FAM120A: variants seen among roughly 807,000 people sequenced by gnomAD.
The protein encoded by FAM120A is family with sequence similarity 120 member A, also known as constitutive coactivator of PPAR-gamma-like protein 1.
In FAM120A, 15 loss-of-function variants were observed where a neutral mutation model predicts 109.7. That is an observed-to-expected ratio of 0.14 (90% confidence interval 0.09 to 0.21). The LOEUF (loss-of-function observed/expected upper bound fraction) is 0.21. Ranked by LOEUF, FAM120A falls within the 10% of genes least tolerant of loss-of-function variation. The pLI is 1.00. For synonymous variants in FAM120A, 493 were observed against 572.8 expected (o/e 0.86, Z 1.99); for missense variants, 899 against 1,439.3 (o/e 0.62, Z 6.07).
Position 93,532,387 on chromosome 9 carries a change from A to G in FAM120A, c.1909+58A>G. 1 of 1,585,668 alleles carries G rather than the reference A, an allele frequency of 6.3e-7. No individual in the cohort carries two copies. Among genetic ancestry groups the G allele is most frequent in the Non-Finnish European group, 8.7e-7 (1 of 1,154,856 alleles). On this transcript the variant is annotated intron_variant, in intron 10 of 17. Transcript: ENST00000277165. This position sits in a 1 kb window ranked among gnomAD's most constrained non-coding sequence, Gnocchi z 4.3. ...CTCGGTACCTCGTAATCTCTTGTGC[A>G]TTTTCTAAAGCCTTAGAAGAATCAT...
intron 10 of FAM120A, among the ~76,000 whole-genome samples, chr9:93,536,704 C>T (rs149384154): frequency 2.0e-5 from 3 of 152,032 alleles, no homozygotes; most frequent in Non-Finnish European, 2.9e-5. Flanking sequence ...CACTATATGG[C>T]GAAAGTAGGA....
At position 93,452,507 on chromosome 9, in the gene FAM120A, G is replaced by T. The variant is rs937037051; in HGVS notation, c.474+118G>T. ...GCGCTGGGGGCAGCGAGTTCCCCCA[G>T]CCCTTGCCCGGGATAGCCTGGCCGG... On this transcript the variant is annotated intron_variant, in intron 1 of 17. Transcript: ENST00000277165. This position sits in a 1 kb window ranked among gnomAD's most constrained non-coding sequence, Gnocchi z 7.0. The T allele has an allele frequency of 4.5e-6, 7 of 1,548,860 alleles. No homozygotes were observed. The highest frequency in any genetic ancestry group is 3.9e-5 in the Admixed American group (2 of 51,854).
At chr9:93,536,154 C>T in intron 10 of FAM120A, among the ~76,000 whole-genome samples, 1 of 152,200 alleles carries the variant, frequency 6.6e-6, no homozygotes, top group East Asian at 1.9e-4. Context: ...GTATTTAGAT[C>T]TTGTTGAAAT....
rs1197580400 is a variant in FAM120A at position 93,565,127 on chromosome 9, C to T, written c.*587C>T. On this transcript the variant is annotated 3_prime_UTR_variant, in exon 18 of 18. Coordinates refer to ENST00000277165, the MANE Select transcript of FAM120A (RefSeq NM_014612.5). ...CTAAAAAATTATAGAGTAATATTGCCGTTCTGCTGATTTTAAATATACAAT... is the reference window on the plus strand; with the variant it reads ...CTAAAAAATTATAGAGTAATATTGCTGTTCTGCTGATTTTAAATATACAAT... The T allele has an allele frequency of 6.6e-6, 1 of 152,172 alleles. No individual in the cohort carries two copies. Among genetic ancestry groups the T allele is most frequent in the Non-Finnish European group, 1.5e-5 (1 of 67,992 alleles). 9.4% of individuals were successfully genotyped at this position (152,172 alleles called of 1,614,324 possible).
Position 93,500,966 on chromosome 9 carries a change from C to G in FAM120A, c.1030+2080C>G, listed in dbSNP as rs780096816. On this transcript the variant is annotated intron_variant, in intron 5 of 17. Coordinates refer to ENST00000277165, the MANE Select transcript of FAM120A (RefSeq NM_014612.5). The surrounding 1 kb of genome is among the most constrained non-coding windows in gnomAD (Gnocchi z 4.6). ...TTAGTGAAGTACTTGTTCAGTCATT[C>G]AATGCCCTTTTAGGTAATTCTGCCT... 6.6e-6 allele frequency among the ~76,000 whole-genome samples: 1 copy of G among 152,220 alleles called. No individual in the cohort carries two copies. Among genetic ancestry groups the G allele is most frequent in the Non-Finnish European group, 1.5e-5 (1 of 68,026 alleles).
intron 5 of FAM120A, among the ~76,000 whole-genome samples, chr9:93,511,095 T>C (rs1194639546): frequency 1.1e-4 from 16 of 151,898 alleles, no homozygotes; most frequent in Admixed American, 9.8e-4. Context: ...TTCTTGTTTC[T>C]GTTGACTTGA....
At chr9:93,537,203 C>T (rs936106520) in intron 10 of FAM120A, among the ~76,000 whole-genome samples, 2 of 152,192 alleles carry the variant, frequency 1.3e-5, no homozygotes, top group African/African-American at 4.8e-5. Flanking sequence ...TTACATGCCT[C>T]AATGGCTTTT....
chr9:93,528,896 G>A (rs1861203701), intron 8 of FAM120A, among the ~76,000 whole-genome samples: 1 of 152,194 alleles, frequency 6.6e-6, no homozygotes, highest in Non-Finnish European at 1.5e-5. Context: ...TTGTGTAACT[G>A]TGTTCAGACT....
intron 7 of FAM120A, among the ~76,000 whole-genome samples, chr9:93,525,657 C>T (rs1432184026): frequency 6.6e-6 from 1 of 152,236 alleles, no homozygotes; most frequent in Non-Finnish European, 1.5e-5. Flanking sequence ...TGCTCATCCA[C>T]CTCCTGAGCC....
At position 93,532,347 on chromosome 9, in the gene FAM120A, C is replaced by A. The variant is rs763789059; in HGVS notation, c.1909+18C>A. ...ACCAGAATGTATGTACTGTAACAAT[C>A]CATTGTTTGTTTTCCTCGGTACCTC... On this transcript the variant is annotated intron_variant, in intron 10 of 17. Transcript: ENST00000277165. This position sits in a 1 kb window ranked among gnomAD's most constrained non-coding sequence, Gnocchi z 4.3. 1 of 1,612,470 alleles carries A rather than the reference C, an allele frequency of 6.2e-7. No individual in the cohort carries two copies. The highest frequency in any genetic ancestry group is 8.5e-7 in the Non-Finnish European group (1 of 1,178,516).
At chr9:93,495,677 T>C (rs907458210) in intron 3 of FAM120A, among the ~76,000 whole-genome samples, 11 of 152,112 alleles carry the variant, frequency 7.2e-5, no homozygotes, top group Non-Finnish European at 1.6e-4. Context: ...CTACAGCGAG[T>C]TGGAATCATT....
Position 93,476,248 on chromosome 9 carries a change from T to C in FAM120A, c.722-8T>C. On this transcript the variant is annotated splice_region_variant and splice_polypyrimidine_tract_variant and intron_variant, in intron 2 of 17. Transcript: ENST00000277165. ...ATTGCTTTTATGTTATCCATGTTTATATTCCAGGAAATCACATTCTGCCTG... is the reference window on the plus strand; with the variant it reads ...ATTGCTTTTATGTTATCCATGTTTACATTCCAGGAAATCACATTCTGCCTG... The C allele has an allele frequency of 6.3e-7, 1 of 1,583,710 alleles. No homozygotes were observed. The highest frequency in any genetic ancestry group is 8.7e-7 in the Non-Finnish European group (1 of 1,153,016).
rs1194752036 is a variant in FAM120A at position 93,500,110 on chromosome 9, C to T, written c.1030+1224C>T. ...AAATGGCAGCAGCCTCCCAGTGGGG[C>T]TCTTTGCTGCTCTCTTGCTCCCCTG... On this transcript the variant is annotated intron_variant, in intron 5 of 17. Coordinates refer to ENST00000277165, the MANE Select transcript of FAM120A (RefSeq NM_014612.5). The surrounding 1 kb of genome is among the most constrained non-coding windows in gnomAD (Gnocchi z 4.6). Among the ~76,000 whole-genome samples the T allele has an allele frequency of 6.6e-6, 1 of 152,264 alleles. No individual in the cohort carries two copies. The highest frequency in any genetic ancestry group is 2.4e-5 in the African/African-American group (1 of 41,466).
intron 3 of FAM120A, among the ~76,000 whole-genome samples, chr9:93,487,554 C>T (rs1028048304): frequency 3.9e-5 from 6 of 152,140 alleles, no homozygotes; most frequent in African/African-American, 4.8e-5. Context: ...AATAAGTTTG[C>T]GTCCCAAAGT....
At chr9:93,463,149 G>A (rs984260211) in intron 1 of FAM120A, among the ~76,000 whole-genome samples, 11 of 152,048 alleles carry the variant, frequency 7.2e-5, no homozygotes, top group Non-Finnish European at 5.9e-5. Context: ...CAAGGAATCT[G>A]TTTTTCTCCA....
At chr9:93,499,994 A>G (rs1413428228) in intron 5 of FAM120A, among the ~76,000 whole-genome samples, 1 of 152,226 alleles carries the variant, frequency 6.6e-6, no homozygotes, top group Admixed American at 6.5e-5. Context: ...ACAGGGAAAC[A>G]TGGCCTGTGC....
chr9:93,506,439 A>G (rs1174590464), intron 5 of FAM120A, among the ~76,000 whole-genome samples: 1 of 152,194 alleles, frequency 6.6e-6, no homozygotes, highest in South Asian at 2.1e-4. Context: ...TCAAATTAAT[A>G]CTGTAAGTTG....
chr9:93,534,751 C>G (rs552224964), intron 10 of FAM120A, among the ~76,000 whole-genome samples: 7 of 152,126 alleles, frequency 4.6e-5, no homozygotes, highest in African/African-American at 1.7e-4. Flanking sequence ...AAAAATTAGA[C>G]AGTCCTGATA....
At chr9:93,467,254 C>CA (rs1858080310) in intron 1 of FAM120A, among the ~76,000 whole-genome samples, 1 of 111,616 alleles carries the variant, frequency 9.0e-6, no homozygotes, top group Non-Finnish European at 2.1e-5. Context: ...TCACCCCCCC[C>CA]CCCCTTTTCC....
Sources: allele counts gnomAD v4.1 joint callset (sites outside exome capture counted in the v4.1 genomes callset), GRCh38; gene constraint gnomAD v4.1.1; non-coding constraint Gnocchi (gnomAD v3.1); transcripts MANE v1.5; gene names NCBI Gene and HGNC (gene_info 2026-07-23, HGNC 2026-07-21).